MAP2: variants seen among roughly 807,000 people sequenced by gnomAD.
MAP2 encodes microtubule-associated protein 2.
MAP2 carries 14 observed loss-of-function variants against 137.6 expected under a neutral mutation model. The observed-to-expected ratio is 0.10, with a 90% CI of 0.07 to 0.16. The LOEUF (loss-of-function observed/expected upper bound fraction) is 0.16. MAP2 is among the 10% of genes least tolerant of loss of function. The pLI is 1.00. For synonymous variants in MAP2, 786 were observed against 782.3 expected (o/e 1.00, Z -0.08); for missense variants, 2,088 against 2,191.5 (o/e 0.95, Z 0.94).
chr2:209,469,898 A>G (rs112780363), intron 1 of MAP2, among the ~76,000 whole-genome samples: 31 of 152,234 alleles, frequency 2.0e-4, no homozygotes, highest in African/African-American at 7.0e-4. Flanking sequence ...CATTTTTTCA[A>G]CCTACAAAAT....
intron 1 of MAP2, among the ~76,000 whole-genome samples, chr2:209,438,268 T>C (rs532626898): frequency 6.6e-6 from 1 of 151,780 alleles, no homozygotes; most frequent in East Asian, 1.9e-4. Context: ...TGGATGTAAA[T>C]GGAGTATGAA....
intron 1 of MAP2, among the ~76,000 whole-genome samples, chr2:209,452,008 T>C (rs545134416): frequency 5.9e-5 from 9 of 152,308 alleles, no homozygotes; most frequent in Non-Finnish European, 1.0e-4. Flanking sequence ...CTCTTTTCAA[T>C]AAAAAGATTG....
At chr2:209,540,520 A>G (rs2066775497) in intron 2 of MAP2, among the ~76,000 whole-genome samples, 1 of 149,010 alleles carries the variant, frequency 6.7e-6, no homozygotes, top group South Asian at 2.1e-4. Context: ...AATCCCAGCT[A>G]CTCAGGAGGC....
At chr2:209,549,054 C>T (rs1003736100) in intron 2 of MAP2, among the ~76,000 whole-genome samples, 7 of 152,162 alleles carry the variant, frequency 4.6e-5, no homozygotes, top group Non-Finnish European at 4.4e-5. Flanking sequence ...AGGCTCTTTG[C>T]CCTATAGTCA....
chr2:209,493,754 A>C (rs1337066098), intron 1 of MAP2, among the ~76,000 whole-genome samples: 1 of 152,236 alleles, frequency 6.6e-6, no homozygotes, highest in Admixed American at 6.5e-5. Context: ...TGCCAGTTAG[A>C]ATGGTGATCA....
intron 1 of MAP2, among the ~76,000 whole-genome samples, chr2:209,463,205 C>A (rs2149614380): frequency 6.6e-6 from 1 of 152,260 alleles, no homozygotes; most frequent in Non-Finnish European, 1.5e-5. Flanking sequence ...TAGTGTCATT[C>A]TACAATTATA....
At chr2:209,725,109 G>A (rs563760480) in intron 13 of MAP2, among the ~76,000 whole-genome samples, 2 of 152,300 alleles carry the variant, frequency 1.3e-5, no homozygotes, top group Admixed American at 1.3e-4. Flanking sequence ...CAAACTTGGA[G>A]AAGCACTGCT....
intron 4 of MAP2, among the ~76,000 whole-genome samples, chr2:209,644,171 C>A (rs2094237433): frequency 6.6e-6 from 1 of 152,182 alleles, no homozygotes; most frequent in African/African-American, 2.4e-5. Context: ...AATGGATGAT[C>A]ACCAAAGATC....
intron 1 of MAP2, among the ~76,000 whole-genome samples, chr2:209,486,045 T>A (rs1414128758): frequency 6.6e-6 from 1 of 152,180 alleles, no homozygotes; most frequent in East Asian, 1.9e-4. Context: ...ATCATTCTCT[T>A]AAGTATTTGT....
rs183096238 is a variant in MAP2, at chr2:209,525,879, G to T, written c.-172+18238G>T. ...TCTGGGGAAAAAACTCTTCACTATA[G>T]TAACTGATTAGTTCCATTTCCTGTC... On this transcript the variant is annotated intron_variant, in intron 2 of 15. Transcript: ENST00000682079. Among the ~76,000 whole-genome samples, 322 of 152,162 alleles carry T rather than the reference G, an allele frequency of 2.1e-3. 2 individuals carry two copies. Among genetic ancestry groups the T allele is most frequent in the Non-Finnish European group, 2.0e-3 (139 of 67,982 alleles).
chr2:209,645,977 G>C (rs974077553), intron 4 of MAP2, among the ~76,000 whole-genome samples: 14 of 152,110 alleles, frequency 9.2e-5, no homozygotes, highest in Admixed American at 8.5e-4. Context: ...CTTGAGCTTA[G>C]GAGTTCAAGA....
chr2:209,676,432 T>C (rs962238522), intron 5 of MAP2, among the ~76,000 whole-genome samples: 13 of 151,656 alleles, frequency 8.6e-5, no homozygotes, highest in African/African-American at 3.1e-4. Context: ...AAATAACTAA[T>C]GGGCACTAGG....
intron 5 of MAP2, among the ~76,000 whole-genome samples, chr2:209,674,497 G>T (rs1454110401): frequency 6.6e-6 from 1 of 151,650 alleles, no homozygotes; most frequent in Non-Finnish European, 1.5e-5. Context: ...TTCATAGTAT[G>T]AAATAACTAG....
intron 11 of MAP2, among the ~76,000 whole-genome samples, chr2:209,701,446 A>T (rs73074704): frequency 0.089 from 13,469 of 152,022 alleles, 1,236 homozygotes; most frequent in African/African-American, 0.24. Flanking sequence ...AAAGAAAAAA[A>T]TTAAAAGGCT....
chr2:209,559,200 TCTC>T (rs1231067861), intron 2 of MAP2, among the ~76,000 whole-genome samples: 1 of 152,026 alleles, frequency 6.6e-6, no homozygotes, highest in Non-Finnish European at 1.5e-5. Context: ...TTCTAAAGCT[TCTC>T]CTTCTCTCTC....
intron 3 of MAP2, among the ~76,000 whole-genome samples, chr2:209,613,027 A>G (rs992174509): frequency 2.0e-5 from 3 of 152,146 alleles, no homozygotes; most frequent in African/African-American, 7.2e-5. Flanking sequence ...CTTGGAGACT[A>G]TTGCTAAAAT....
At chr2:209,706,571 C>T (rs1041433374) in intron 12 of MAP2, among the ~76,000 whole-genome samples, 2 of 151,934 alleles carry the variant, frequency 1.3e-5, no homozygotes, top group East Asian at 1.9e-4. Context: ...CTTCACAGTT[C>T]GCAAGTGGTT....
At chr2:209,703,653 T>G (rs888643505) in intron 11 of MAP2, among the ~76,000 whole-genome samples, 1 of 152,138 alleles carries the variant, frequency 6.6e-6, no homozygotes, top group Non-Finnish European at 1.5e-5. Context: ...CTTGTAACAT[T>G]CTTTCTATAT....
intron 11 of MAP2, among the ~76,000 whole-genome samples, chr2:209,704,262 G>A (rs1412172366): frequency 6.6e-6 from 1 of 151,860 alleles, no homozygotes; most frequent in Non-Finnish European, 1.5e-5. Context: ...AGTTAGTTTT[G>A]GCTAAAAAGA....
Sources: gnomAD v4.1 joint callset for allele counts (sites outside exome capture counted in the v4.1 genomes callset) on GRCh38, gnomAD v4.1.1 for gene constraint, MANE v1.5 for transcripts, NCBI Gene and HGNC (gene_info 2026-07-23, HGNC 2026-07-21) for gene names.